The following LRRTM4 variants were observed in gnomAD, a reference collection of about 807,000 sequenced individuals.
LRRTM4 encodes leucine-rich repeat transmembrane neuronal protein 4.
In LRRTM4, 25 loss-of-function variants were observed where a neutral mutation model predicts 47.6. That is an observed-to-expected ratio of 0.53 (90% CI 0.38 to 0.73). The LOEUF (loss-of-function observed/expected upper bound fraction) is 0.73, where lower values mean the gene tolerates loss of function less well. LRRTM4 is among the 30% of genes least tolerant of loss of function. LRRTM4 has a pLI of 0.00. For synonymous variants in LRRTM4, 311 were observed against 269.5 expected (o/e 1.15, Z -1.51); for missense variants, 638 against 713.4 (o/e 0.89, Z 1.20).
At chr2:77,099,518 A>G (rs2103907184) in intron 3 of LRRTM4, among the ~76,000 whole-genome samples, 1 of 152,184 alleles carries the variant, frequency 6.6e-6, no homozygotes, top group South Asian at 2.1e-4. Flanking sequence ...TCCAGAAAAT[A>G]ATTACATTCA....
At chr2:76,802,085 C>T (rs1198442544) in intron 3 of LRRTM4, among the ~76,000 whole-genome samples, 2 of 151,976 alleles carry the variant, frequency 1.3e-5, no homozygotes, top group Non-Finnish European at 2.9e-5. Flanking sequence ...CCACTATTGC[C>T]ACTTTTATTC....
intron 3 of LRRTM4, among the ~76,000 whole-genome samples, chr2:76,999,976 A>G (rs1266794866): frequency 6.6e-6 from 1 of 152,122 alleles, no homozygotes; most frequent in East Asian, 1.9e-4. Context: ...GAAACAGACA[A>G]TGATAATAGC....
At chr2:77,296,543 A>G (rs1489266160) in intron 3 of LRRTM4, among the ~76,000 whole-genome samples, 9 of 152,210 alleles carry the variant, frequency 5.9e-5, no homozygotes, top group African/African-American at 2.2e-4. Flanking sequence ...AGAAAACAAC[A>G]CTCTTTTTCC....
chr2:77,393,019 A>G (rs1673562937), intron 3 of LRRTM4, among the ~76,000 whole-genome samples: 1 of 152,160 alleles, frequency 6.6e-6, no homozygotes, highest in African/African-American at 2.4e-5. Context: ...AAAAAGAACT[A>G]TGCCACCAAT....
At chr2:77,092,639 A>G (rs1382963366) in intron 3 of LRRTM4, among the ~76,000 whole-genome samples, 2 of 144,650 alleles carry the variant, frequency 1.4e-5, no homozygotes, top group African/African-American at 5.6e-5. Context: ...AAACTAAAAT[A>G]CCTCTTAGTC....
chr2:77,356,984 T>G (rs1671991998), intron 3 of LRRTM4, among the ~76,000 whole-genome samples: 1 of 152,142 alleles, frequency 6.6e-6, no homozygotes, highest in Admixed American at 6.5e-5. Flanking sequence ...TACCTTCCTC[T>G]TCTCAATTTG....
At chr2:77,274,010 T>C (rs1285541351) in intron 3 of LRRTM4, among the ~76,000 whole-genome samples, 1 of 152,058 alleles carries the variant, frequency 6.6e-6, no homozygotes, top group East Asian at 1.9e-4. Context: ...AGAGTAACAA[T>C]GCTTGAGATT....
chr2:77,187,599 A>T (rs899468279), intron 3 of LRRTM4, among the ~76,000 whole-genome samples: 2 of 152,056 alleles, frequency 1.3e-5, no homozygotes, highest in Admixed American at 6.6e-5. Context: ...CGTTGTGTAC[A>T]TGTACCCTAA....
chr2:76,946,713 G>T (rs1675334354), intron 3 of LRRTM4, among the ~76,000 whole-genome samples: 1 of 151,824 alleles, frequency 6.6e-6, no homozygotes, highest in Non-Finnish European at 1.5e-5. Flanking sequence ...ACATGTAACA[G>T]ATGTTACATA....
intron 3 of LRRTM4, among the ~76,000 whole-genome samples, chr2:77,118,640 G>A (rs969410792): frequency 6.6e-6 from 1 of 151,866 alleles, no homozygotes; most frequent in Non-Finnish European, 1.5e-5. Context: ...ATCCCTGAAT[G>A]CAATAGACAT....
intron 3 of LRRTM4, among the ~76,000 whole-genome samples, chr2:77,151,165 G>A (rs1226711633): frequency 1.3e-5 from 2 of 149,396 alleles, no homozygotes; most frequent in South Asian, 4.2e-4. Flanking sequence ...ATGTGTGTAT[G>A]TGTAGTAAGA....
At chr2:77,516,028 AG>A (rs1413594517) in intron 3 of LRRTM4, among the ~76,000 whole-genome samples, 1 of 151,834 alleles carries the variant, frequency 6.6e-6, no homozygotes, top group African/African-American at 2.4e-5. Context: ...ATAGTTTTAT[AG>A]CACCCCCCTC....
chr2:77,271,525 G>A (rs1270169730), intron 3 of LRRTM4, among the ~76,000 whole-genome samples: 1 of 152,120 alleles, frequency 6.6e-6, no homozygotes, highest in Non-Finnish European at 1.5e-5. Flanking sequence ...TGAGTGCGGG[G>A]GGCCAAGTAG....
At chr2:77,174,083 C>T (rs575294478) in intron 3 of LRRTM4, among the ~76,000 whole-genome samples, 1 of 152,098 alleles carries the variant, frequency 6.6e-6, no homozygotes, top group East Asian at 1.9e-4. Context: ...CTAACTCTGC[C>T]CTTGCCTGGC....
intron 3 of LRRTM4, among the ~76,000 whole-genome samples, chr2:77,122,504 A>G (rs1282084974): frequency 1.3e-5 from 2 of 150,086 alleles, no homozygotes; most frequent in Non-Finnish European, 3.0e-5. Flanking sequence ...CTATATATAC[A>G]CACACATATA....
intron 3 of LRRTM4, among the ~76,000 whole-genome samples, chr2:77,478,618 AT>A (rs1390108882): frequency 6.6e-6 from 1 of 152,196 alleles, no homozygotes; most frequent in African/African-American, 2.4e-5. Context: ...TTTTGTACAC[AT>A]GCACTGGTAT....
At chr2:77,454,943 T>C (rs2103959298) in intron 3 of LRRTM4, among the ~76,000 whole-genome samples, 1 of 152,282 alleles carries the variant, frequency 6.6e-6, no homozygotes, top group Non-Finnish European at 1.5e-5. Flanking sequence ...ATCTCAGCAC[T>C]TTGGGAGGCT....
At position 76,919,452 on chromosome 2, in the gene LRRTM4, C is replaced by T. The variant is rs553516254; in HGVS notation, c.1552-170536G>A. On this transcript the variant is annotated intron_variant, in intron 3 of 3. Coordinates refer to ENST00000409884, the MANE Select transcript of LRRTM4 (RefSeq NM_001134745.3). Reference sequence around the variant, plus strand: ...GGTAGCCAAGGACCAGTACTGAAGACAAAACTTTCTTGAGAATGTGTGAGG... The same window carrying T: ...GGTAGCCAAGGACCAGTACTGAAGATAAAACTTTCTTGAGAATGTGTGAGG... Among the ~76,000 whole-genome samples the T allele has an allele frequency of 5.9e-5, 9 of 152,202 alleles. No homozygotes were observed. The South Asian group carries it at 1.0e-3, about 18-fold the overall frequency.
chr2:76,753,954 C>CATTG (rs1199411593), intron 3 of LRRTM4, among the ~76,000 whole-genome samples: 3 of 152,126 alleles, frequency 2.0e-5, no homozygotes, highest in Admixed American at 1.3e-4. Flanking sequence ...CATGGACTAT[C>CATTG]ATTGGTCTTA....
Sources: gnomAD v4.1 joint callset for allele counts (sites outside exome capture counted in the v4.1 genomes callset) on GRCh38, gnomAD v4.1.1 for gene constraint, MANE v1.5 for transcripts, NCBI Gene and HGNC (gene_info 2026-07-23, HGNC 2026-07-21) for gene names.